The following EXOC1 variants were observed in gnomAD, a reference collection of about 807,000 sequenced individuals.
EXOC1 encodes SEC3-like 1.
A neutral mutation model predicts 107.7 loss-of-function variants in EXOC1; 67 were observed. The ratio of observed to expected loss-of-function variants is 0.62; its 90% CI spans 0.51 to 0.76. EXOC1 has a LOEUF of 0.76. EXOC1 is among the 30% of genes least tolerant of loss of function. The pLI is 0.00. For missense variants in EXOC1, 833 were observed against 1,055.7 expected, an observed-to-expected ratio of 0.79 and a Z score of 2.92; for synonymous variants, 348 against 353.5, an observed-to-expected ratio of 0.98 and a Z score of 0.17.
Position 55,876,318 on chromosome 4 carries a change from C to T in EXOC1, c.1075-1599C>T, listed in dbSNP as rs76727401. The T allele has an allele frequency of 5.2e-4, 515 of 984,616 alleles. 5 individuals carry two copies. In the East Asian group the frequency reaches 0.043, roughly 83 times the overall value. The allele number at this position is 984,616 out of a possible 1,614,324, so 61.0% of individuals were successfully genotyped here. On this transcript the variant is annotated intron_variant, in intron 8 of 18. Transcript: ENST00000381295. Reference sequence around the variant, plus strand: ...AGAAAAGAATATCCACATAGGTCTACGCTCCGTTATCCAGAATTCTGGGGG... The same window carrying T: ...AGAAAAGAATATCCACATAGGTCTATGCTCCGTTATCCAGAATTCTGGGGG...
At chr4:55,871,822 T>C (rs1426160788) in intron 7 of EXOC1, 27 bp from the exon 8 acceptor site, 1 of 1,598,534 alleles carries the variant, frequency 6.3e-7, no homozygotes, top group East Asian at 2.2e-5. Flanking sequence ...CCCATTAAAC[T>C]GGTCACAAAA....
Position 55,858,344 on chromosome 4 carries a change from AT to A in EXOC1, c.23del (p.Leu8TyrfsTer14). MTAIKHALQRDIFTPNDE... is the reference protein window; with the variant it reads MTAIKHAXQRDIFTPNDE... Reference sequence around the variant, plus strand: ...AAAAGATGACAGCAATCAAGCATGCATTACAAAGAGACATTTTTACACCAAA... The same window carrying A: ...AAAAGATGACAGCAATCAAGCATGCATACAAAGAGACATTTTTACACCAAA... On this transcript the variant is annotated frameshift_variant, in exon 2 of 19. Transcript: ENST00000381295. LOFTEE classifies it high-confidence loss of function. 6.2e-7 allele frequency: 1 copy of A among 1,608,854 alleles called. No individual in the cohort carries two copies. The highest frequency in any genetic ancestry group is 1.1e-5 in the South Asian group (1 of 89,562).
chr4:55,861,046 C>T lies in EXOC1; in HGVS notation c.255+505C>T, dbSNP rs916080944. ...AGATCTATGAAGATATAAACTTACACGTTATAGATAAACCACACTCAAACT... is the reference window on the plus strand; with the variant it reads ...AGATCTATGAAGATATAAACTTACATGTTATAGATAAACCACACTCAAACT... On this transcript the variant is annotated intron_variant, in intron 3 of 18. Coordinates refer to ENST00000381295, the MANE Select transcript of EXOC1 (RefSeq NM_001024924.2). Among the ~76,000 whole-genome samples the T allele has an allele frequency of 4.0e-5, 6 of 151,796 alleles. 1 individual carries two copies. The highest frequency in any genetic ancestry group is 1.5e-4 in the African/African-American group (6 of 41,368).
At chr4:55,889,923 C>T (rs1724317593) in intron 11 of EXOC1, among the ~76,000 whole-genome samples, 1 of 152,174 alleles carries the variant, frequency 6.6e-6, no homozygotes, top group Non-Finnish European at 1.5e-5. Context: ...CTAGCGATAT[C>T]ACCAGGCGAC....
chr4:55,898,903 ATTTC>A, intron 16 of EXOC1, among the ~76,000 whole-genome samples: 1 of 152,158 alleles, frequency 6.6e-6, no homozygotes. Flanking sequence ...TTGTCAAATA[ATTTC>A]TTTAGGGTAA....
chr4:55,895,766 G>T (rs1035264307), intron 15 of EXOC1, among the ~76,000 whole-genome samples: 1 of 152,044 alleles, frequency 6.6e-6, no homozygotes, highest in Non-Finnish European at 1.5e-5. Context: ...CATTTCTTTC[G>T]CATTTTGTCA....
intron 5 of EXOC1, 53 bp from the exon 6 acceptor site, chr4:55,870,625 G>GTTTT (rs1354280752): frequency 2.5e-6 from 3 of 1,186,388 alleles, no homozygotes; most frequent in African/African-American, 3.8e-5. Flanking sequence ...TAACAAGTAT[G>GTTTT]TTTTTTGTTT....
chr4:55,870,628 T>TGTTG, intron 5 of EXOC1, 50 bp from the exon 6 acceptor site: 1 of 1,318,256 alleles, frequency 7.6e-7, no homozygotes, highest in Non-Finnish European at 1.1e-6. Flanking sequence ...CAAGTATGTT[T>TGTTG]TTTGTTTGTT....
At chr4:55,887,002 T>C (rs888889770) in intron 10 of EXOC1, among the ~76,000 whole-genome samples, 3 of 152,214 alleles carry the variant, frequency 2.0e-5, no homozygotes, top group African/African-American at 7.2e-5. Flanking sequence ...CCTTTTTAAA[T>C]AGATTTATTT....
At chr4:55,881,187 C>A (rs1422532259) in intron 9 of EXOC1, among the ~76,000 whole-genome samples, 1 of 152,150 alleles carries the variant, frequency 6.6e-6, no homozygotes, top group Non-Finnish European at 1.5e-5. Flanking sequence ...GTAGCTTGGA[C>A]TGCCCAGATT....
Position 55,904,346 on chromosome 4 carries a change from G to A in EXOC1, c.2536G>A (p.Val846Met), listed in dbSNP as rs769263823. The A allele has an allele frequency of 1.7e-5, 28 of 1,601,050 alleles. No homozygotes were observed. The highest frequency in any genetic ancestry group is 2.3e-5 in the Non-Finnish European group (27 of 1,175,154). ...LCEEENLLQV[V>M]WHSMQDEFIR... ...TGACTTTTTTTTTTAATAATAGGTG[G>A]TGTGGCACTCCATGCAAGATGAATT... The change falls in exon 19 of 19, where the codon GTG (valine) becomes ATG (methionine). Residue 846 changes from valine to methionine, a missense_variant. Transcript: ENST00000381295.
chr4:55,891,778 T>C (rs983036077), intron 13 of EXOC1, among the ~76,000 whole-genome samples: 6 of 152,234 alleles, frequency 3.9e-5, no homozygotes, highest in Non-Finnish European at 8.8e-5. Flanking sequence ...TTTAAAATGA[T>C]GTTAGAGTGT....
chr4:55,898,981 G>C (rs1204482283), intron 16 of EXOC1, among the ~76,000 whole-genome samples: 1 of 152,082 alleles, frequency 6.6e-6, no homozygotes, highest in Non-Finnish European at 1.5e-5. Flanking sequence ...CCCAAATTGT[G>C]ATACAGAAAG....
At chr4:55,889,699 G>C (rs1724294955) in intron 11 of EXOC1, among the ~76,000 whole-genome samples, 1 of 152,160 alleles carries the variant, frequency 6.6e-6, no homozygotes, top group Non-Finnish European at 1.5e-5. Flanking sequence ...ATATGTAATT[G>C]ACTTTTTTTG....
chr4:55,878,822 A>G (rs1723128454), intron 9 of EXOC1, among the ~76,000 whole-genome samples: 1 of 152,226 alleles, frequency 6.6e-6, no homozygotes, highest in Non-Finnish European at 1.5e-5. Context: ...ATTCTAGGGC[A>G]GTGAGAAATT....
chr4:55,899,575 G>A (rs552369279), intron 16 of EXOC1, 110 bp from the exon 17 acceptor site: 44 of 934,006 alleles, frequency 4.7e-5, no homozygotes, highest in Non-Finnish European at 6.8e-5. Context: ...GTCCAGAAAT[G>A]TGCTTAATTC....
chr4:55,875,866 G>A, intron 8 of EXOC1: 7 of 911,210 alleles, frequency 7.7e-6, no homozygotes, highest in Non-Finnish European at 9.2e-6. Context: ...GGAGTTTGGG[G>A]GCAACCTGGG....
chr4:55,860,271 G>A (rs1465768378), intron 2 of EXOC1, 140 bp from the exon 3 acceptor site: 20 of 903,122 alleles, frequency 2.2e-5, no homozygotes, highest in Middle Eastern at 2.8e-4. Context: ...TGCTTTCCTC[G>A]GTCATAGCAC....
At chr4:55,878,701 A>G (rs1489506236) in intron 9 of EXOC1, among the ~76,000 whole-genome samples, 3 of 152,200 alleles carry the variant, frequency 2.0e-5, no homozygotes, top group Non-Finnish European at 4.4e-5. Flanking sequence ...AACCAGAAAT[A>G]AGAGAAAGGG....
Sources: allele counts gnomAD v4.1 joint callset (sites outside exome capture counted in the v4.1 genomes callset), GRCh38; gene constraint gnomAD v4.1.1; transcripts MANE v1.5; gene names NCBI Gene and HGNC (gene_info 2026-07-23, HGNC 2026-07-21).